The following INPP4B variants were observed in gnomAD, a reference collection of about 807,000 sequenced individuals.
INPP4B encodes inositol polyphosphate 4-phosphatase type II.
Under a neutral mutation model 122.5 loss-of-function variants are expected in INPP4B, and 55 were observed. That is an observed-to-expected ratio of 0.45 (90% CI 0.36 to 0.56). INPP4B has a LOEUF of 0.56. Among genes scored for constraint, INPP4B ranks in the 20% least tolerant of loss-of-function variants. INPP4B has a pLI of 0.00. For missense variants in INPP4B, 1,000 were observed against 1,097.7 expected (o/e 0.91, Z 1.26); for synonymous variants, 403 against 388.7 (o/e 1.04, Z -0.43).
intron 1 of INPP4B, among the ~76,000 whole-genome samples, chr4:142,821,336 T>C (rs1780769679): frequency 6.6e-6 from 1 of 152,130 alleles, no homozygotes; most frequent in Non-Finnish European, 1.5e-5. Context: ...TTTTCTATTT[T>C]CTTACATTAT....
intron 2 of INPP4B, among the ~76,000 whole-genome samples, chr4:142,475,073 C>G (rs932792045): frequency 2.0e-5 from 3 of 152,080 alleles, no homozygotes; most frequent in African/African-American, 7.2e-5. Context: ...TAGAACTGAC[C>G]CAGAAAAGAT....
chr4:142,775,149 G>A (rs183960865), intron 1 of INPP4B, among the ~76,000 whole-genome samples: 3 of 152,062 alleles, frequency 2.0e-5, no homozygotes, highest in Admixed American at 6.6e-5. Context: ...CTGTATCAAG[G>A]GAACATACCA....
At chr4:142,799,563 A>T (rs951879099) in intron 1 of INPP4B, among the ~76,000 whole-genome samples, 1 of 151,954 alleles carries the variant, frequency 6.6e-6, no homozygotes, top group Admixed American at 6.6e-5. Context: ...TAAATCTTGA[A>T]GGATTATAAA....
intron 1 of INPP4B, among the ~76,000 whole-genome samples, chr4:142,815,001 G>T (rs1779955031): frequency 6.6e-6 from 1 of 152,078 alleles, no homozygotes; most frequent in Non-Finnish European, 1.5e-5. Flanking sequence ...GGTGATCAAG[G>T]TTCACATCAA....
intron 7 of INPP4B, among the ~76,000 whole-genome samples, chr4:142,315,959 G>T (rs565294084): frequency 6.6e-6 from 1 of 151,786 alleles, no homozygotes; most frequent in African/African-American, 2.4e-5. Context: ...AGATTGAAGG[G>T]ATGCCTCTAA....
chr4:142,165,330 A>G (rs1410971375), intron 16 of INPP4B, among the ~76,000 whole-genome samples: 2 of 151,704 alleles, frequency 1.3e-5, no homozygotes, highest in Non-Finnish European at 3.0e-5. Context: ...TACCTTTACA[A>G]TAATTTCAAA....
Position 142,359,745 on chromosome 4 carries a change from A to G in INPP4B, c.372+43193T>C, listed in dbSNP as rs569068615. Among the ~76,000 whole-genome samples the G allele has an allele frequency of 5.3e-5, 8 of 152,104 alleles. No homozygotes were observed. In the East Asian group the frequency reaches 1.2e-3, roughly 22 times the overall value. The stretch of plus-strand genomic sequence containing the variant: ...TTGACTGTATCTAGCTTTATGCTTT[A>G]TGCTATTCAGATTCAATTATTTCAA... On this transcript the variant is annotated intron_variant, in intron 7 of 25. Coordinates refer to ENST00000262992, the MANE Select transcript of INPP4B (RefSeq NM_001101669.3).
At chr4:142,271,189 C>T (rs764795449) in intron 9 of INPP4B, among the ~76,000 whole-genome samples, 3 of 152,090 alleles carry the variant, frequency 2.0e-5, no homozygotes, top group South Asian at 2.1e-4. Flanking sequence ...GTGATCCACC[C>T]GCCTAGGCCT....
At chr4:142,208,805 A>G (rs1287164383) in intron 13 of INPP4B, 91 bp downstream of exon 13, 7 of 996,024 alleles carry the variant, frequency 7.0e-6, no homozygotes, top group African/African-American at 3.3e-5. Context: ...CAGTTCTCCT[A>G]TCTACATAAA....
At position 142,768,554 on chromosome 4, in the gene INPP4B, G is replaced by A. The variant is rs186723631; in HGVS notation, c.-253-42653C>T. Among the ~76,000 whole-genome samples, 12 of 152,304 alleles carry A rather than the reference G, an allele frequency of 7.9e-5. No homozygotes were observed. In the East Asian group the frequency reaches 2.1e-3, roughly 27 times the overall value. ...TCAGAGTTAAGTCACAATGACACAA[G>A]GCAGTGAAGGCATTGACTGTATTAT... On this transcript the variant is annotated intron_variant, in intron 1 of 25. Transcript: ENST00000262992.
intron 18 of INPP4B, among the ~76,000 whole-genome samples, chr4:142,125,334 C>G (rs145194173): frequency 6.6e-6 from 1 of 150,682 alleles, no homozygotes; most frequent in Non-Finnish European, 1.5e-5. Flanking sequence ...GATTGTACCA[C>G]TCACTCCTCA....
At chr4:142,276,016 C>A (rs1057169482) in intron 9 of INPP4B, among the ~76,000 whole-genome samples, 1 of 151,706 alleles carries the variant, frequency 6.6e-6, no homozygotes, top group Non-Finnish European at 1.5e-5. Context: ...AGTAGCACAT[C>A]ATTCTCCAAA....
chr4:142,354,910 G>A (rs2148437726), intron 7 of INPP4B, among the ~76,000 whole-genome samples: 1 of 152,056 alleles, frequency 6.6e-6, no homozygotes, highest in Middle Eastern at 3.4e-3. Context: ...ACAGTTCTGT[G>A]AGTTGACTAG....
At chr4:142,747,838 GGAA>G (rs1227998845) in intron 1 of INPP4B, among the ~76,000 whole-genome samples, 1 of 151,660 alleles carries the variant, frequency 6.6e-6, no homozygotes, top group Non-Finnish European at 1.5e-5. Flanking sequence ...CAGGGATGCA[GGAA>G]GGGGAACATC....
rs139889427 is a variant in INPP4B, at chr4:142,160,499, G to A, written c.1422C>T (p.Tyr474=). Residue 474 remains tyrosine (Y), a synonymous_variant, in exon 17 of 26, where the codon TAC becomes TAT. Coordinates refer to ENST00000262992, the MANE Select transcript of INPP4B (RefSeq NM_001101669.3). Reference sequence around the variant, plus strand: ...TAAGAATGCCTCCTGGCCTTGCAGTGTAGAGTGCTAAAAGAGCACTCCTGA... The same window carrying A: ...TAAGAATGCCTCCTGGCCTTGCAGTATAGAGTGCTAAAAGAGCACTCCTGA... The part of the protein sequence containing the change: ...QLVRSALLAL[Y]TARPGGILKK... The A allele has an allele frequency of 6.8e-4, 1,100 of 1,612,326 alleles. No individual in the cohort carries two copies. The highest frequency in any genetic ancestry group is 8.8e-4 in the Non-Finnish European group (1,033 of 1,178,938).
chr4:142,838,034 T>TTTTG (rs1783022222), intron 1 of INPP4B, among the ~76,000 whole-genome samples: 1 of 117,134 alleles, frequency 8.5e-6, no homozygotes, highest in African/African-American at 6.1e-5. Context: ...GAAAGTGGTG[T>TTTTG]TTTTTTTTTT....
At chr4:142,663,500 C>A (rs1755545284) in intron 2 of INPP4B, among the ~76,000 whole-genome samples, 1 of 152,096 alleles carries the variant, frequency 6.6e-6, no homozygotes, top group South Asian at 2.1e-4. Flanking sequence ...TGGATGACAT[C>A]TTTAAGAACT....
intron 9 of INPP4B, among the ~76,000 whole-genome samples, chr4:142,291,672 T>G (rs2150978834): frequency 6.6e-6 from 1 of 152,268 alleles, no homozygotes. Context: ...ACTTGGAAAA[T>G]CATTAGCCTT....
chr4:142,383,969 C>T lies in INPP4B; in HGVS notation c.372+18969G>A. ...TGTGTCTCATTAAGTTACCATCGTG[C>T]AGCTGTCAAGAAGCTCATGTGATGT... On this transcript the variant is annotated intron_variant, in intron 7 of 25. Coordinates refer to ENST00000262992, the MANE Select transcript of INPP4B (RefSeq NM_001101669.3). 4.7e-6 allele frequency: 3 copies of T among 641,096 alleles called. No homozygotes were observed. In the East Asian group the frequency reaches 8.2e-5, roughly 18 times the overall value. The allele number at this position is 641,096 out of a possible 1,614,324, so 39.7% of individuals were successfully genotyped here.
Sources: allele counts gnomAD v4.1 joint callset (sites outside exome capture counted in the v4.1 genomes callset), GRCh38; gene constraint gnomAD v4.1.1; transcripts MANE v1.5; gene names NCBI Gene and HGNC (gene_info 2026-07-23, HGNC 2026-07-21).